Variants in ACSL3 observed in about 807,000 individuals in gnomAD.
The protein encoded by ACSL3 is acyl-CoA synthetase long chain family member 3.
ACSL3 carries 34 observed loss-of-function variants against 84.7 expected under a neutral mutation model. That is an observed-to-expected ratio of 0.40 (90% CI 0.31 to 0.53). ACSL3 has a LOEUF of 0.53. Ranked by LOEUF, ACSL3 falls within the 20% of genes least tolerant of loss-of-function variation. The pLI is 0.48. For synonymous variants in ACSL3, 315 were observed against 299.4 expected (o/e 1.05, Z -0.54); for missense variants, 680 against 873.1 (o/e 0.78, Z 2.79).
At chr2:222,868,647 A>G (rs1281706166) in intron 1 of ACSL3, among the ~76,000 whole-genome samples, 4 of 152,200 alleles carry the variant, frequency 2.6e-5, no homozygotes, top group Non-Finnish European at 5.9e-5. Flanking sequence ...ATATTTTAAT[A>G]TCAATAATTT....
At chr2:222,929,653 C>T (rs1013700688) in intron 13 of ACSL3, among the ~76,000 whole-genome samples, 1 of 151,968 alleles carries the variant, frequency 6.6e-6, no homozygotes, top group Non-Finnish European at 1.5e-5. Context: ...TGGTGCGTGC[C>T]TGTAATTCCA....
chr2:222,876,414 C>G (rs1395140077), intron 1 of ACSL3, among the ~76,000 whole-genome samples: 1 of 152,086 alleles, frequency 6.6e-6, no homozygotes, highest in Non-Finnish European at 1.5e-5. Context: ...CTCAACTTCC[C>G]CAGCTCAAGT....
intron 1 of ACSL3, among the ~76,000 whole-genome samples, chr2:222,863,693 C>G (rs1461499550): frequency 6.6e-6 from 1 of 152,090 alleles, no homozygotes; most frequent in Admixed American, 6.6e-5. Context: ...TTGTAGCATA[C>G]GCTTCACAGG....
At chr2:222,941,391 CTTG>C (rs1431920210) in intron 16 of ACSL3, 103 bp from the exon 17 acceptor site, 1 of 839,000 alleles carries the variant, frequency 1.2e-6, no homozygotes. Flanking sequence ...TCATGGTTCA[CTTG>C]TTGGTTGTGC....
intron 4 of ACSL3, among the ~76,000 whole-genome samples, chr2:222,915,018 C>G (rs1488260258): frequency 6.6e-6 from 1 of 152,220 alleles, no homozygotes; most frequent in African/African-American, 2.4e-5. Flanking sequence ...AACACCTTTT[C>G]AGAACACACA....
chr2:222,894,244 CT>C (rs1695915637), intron 2 of ACSL3, among the ~76,000 whole-genome samples: 1 of 152,206 alleles, frequency 6.6e-6, no homozygotes, highest in South Asian at 2.1e-4. Context: ...AAAATCCTGT[CT>C]GGTCTCCTTT....
At chr2:222,899,169 T>A (rs1696071649) in intron 2 of ACSL3, among the ~76,000 whole-genome samples, 1 of 152,126 alleles carries the variant, frequency 6.6e-6, no homozygotes, top group Non-Finnish European at 1.5e-5. Context: ...AGACTGATAG[T>A]TTAACCTTTG....
intron 2 of ACSL3, among the ~76,000 whole-genome samples, chr2:222,888,359 G>A (rs78699091): frequency 0.074 from 11,262 of 152,170 alleles, 518 homozygotes; most frequent in Middle Eastern, 0.13. Flanking sequence ...TATTCTTTCT[G>A]TGTCATCTGA....
chr2:222,907,694 G>GT (rs1313195236), intron 3 of ACSL3, among the ~76,000 whole-genome samples: 1 of 150,980 alleles, frequency 6.6e-6, no homozygotes, highest in Non-Finnish European at 1.5e-5. Context: ...GAGTCCAAGA[G>GT]TTTGAGGCTG....
chr2:222,889,269 C>A (rs1158166633), intron 2 of ACSL3, among the ~76,000 whole-genome samples: 2 of 152,040 alleles, frequency 1.3e-5, no homozygotes, highest in Non-Finnish European at 2.9e-5. Flanking sequence ...AGGGAAAAGG[C>A]CGTCAGAAAC....
intron 1 of ACSL3, among the ~76,000 whole-genome samples, chr2:222,862,921 C>T (rs1377064363): frequency 1.3e-5 from 2 of 152,130 alleles, no homozygotes; most frequent in African/African-American, 4.8e-5. Context: ...GAAGAACGCA[C>T]AAATTATAAG....
chr2:222,880,098 C>T (rs901099735), intron 1 of ACSL3, among the ~76,000 whole-genome samples: 6 of 152,100 alleles, frequency 3.9e-5, no homozygotes, highest in Non-Finnish European at 8.8e-5. Context: ...TTGCCATATA[C>T]AAAAGTCCCA....
At chr2:222,877,507 G>A (rs1422060225) in intron 1 of ACSL3, among the ~76,000 whole-genome samples, 2 of 151,990 alleles carry the variant, frequency 1.3e-5, no homozygotes, top group Admixed American at 6.6e-5. Flanking sequence ...ATCTATATTG[G>A]CATTTGTTGT....
chr2:222,917,247 G>C (rs969135269), intron 5 of ACSL3: 1 of 152,270 alleles, frequency 6.6e-6, no homozygotes, highest in Non-Finnish European at 1.5e-5. Flanking sequence ...ATGCCGCCAT[G>C]CCCGGCTAAT....
intron 2 of ACSL3, among the ~76,000 whole-genome samples, chr2:222,888,381 G>A (rs2106100456): frequency 6.6e-6 from 1 of 152,258 alleles, no homozygotes; most frequent in South Asian, 2.1e-4. Flanking sequence ...GTGAATTAGA[G>A]TTTATGAAAT....
At chr2:222,916,735 G>C in intron 5 of ACSL3, 1 of 327,768 alleles carries the variant, frequency 3.1e-6, no homozygotes, top group Non-Finnish European at 5.5e-6. Context: ...TTCAGGTCTT[G>C]AGAACTAGAC....
At chr2:222,873,339 TAG>T (rs766268430) in intron 1 of ACSL3, among the ~76,000 whole-genome samples, 21 of 152,204 alleles carry the variant, frequency 1.4e-4, no homozygotes, top group Non-Finnish European at 2.8e-4. Flanking sequence ...CATAATTCCA[TAG>T]AGTTGTATGT....
Position 222,905,551 on chromosome 2 carries a change from G to A in ACSL3, c.-40-3182G>A, listed in dbSNP as rs189193155. Reference sequence around the variant, plus strand: ...ATAACATCTTTCTTCTGGGTTATTAGGGTATGTTTATTCTTTGCAACTCTG... The same window carrying A: ...ATAACATCTTTCTTCTGGGTTATTAAGGTATGTTTATTCTTTGCAACTCTG... On this transcript the variant is annotated intron_variant, in intron 3 of 16. Transcript: ENST00000357430. Among the ~76,000 whole-genome samples the A allele has an allele frequency of 2.6e-4, 40 of 152,266 alleles. No homozygotes were observed. The East Asian group carries it at 6.8e-3, about 26-fold the overall frequency.
In ACSL3 at chr2:222,939,413, T is replaced by C. The variant is rs148207062; in HGVS notation, c.2006-2084T>C. 5.1e-3 allele frequency among the ~76,000 whole-genome samples: 774 copies of C among 152,288 alleles called. 9 individuals carry two copies. Among genetic ancestry groups the C allele is most frequent in the African/African-American group, 0.018 (736 of 41,562 alleles). ...CTCCCTCTGGTGTCTGTCTGTGATA[T>C]TGTGGCCTCACTGGTGCTGTAGTTG... is the stretch of plus-strand genomic sequence containing the variant. On this transcript the variant is annotated intron_variant, in intron 16 of 16. Coordinates refer to ENST00000357430, the MANE Select transcript of ACSL3 (RefSeq NM_004457.5).
Sources: allele counts gnomAD v4.1 joint callset (sites outside exome capture counted in the v4.1 genomes callset), GRCh38; gene constraint gnomAD v4.1.1; transcripts MANE v1.5; gene names NCBI Gene and HGNC (gene_info 2026-07-23, HGNC 2026-07-21).